Variants in SECISBP2 observed in about 807,000 individuals in gnomAD.
SECISBP2 encodes the protein selenocysteine insertion sequence-binding protein 2.
Under a neutral mutation model 98.2 loss-of-function variants are expected in SECISBP2, and 96 were observed. The observed-to-expected ratio is 0.98, with a 90% confidence interval of 0.83 to 1.16. The LOEUF is 1.16. Among genes scored for constraint, SECISBP2 ranks in the 50% most tolerant of loss-of-function variants. The probability of loss-of-function intolerance (pLI) is 0.00; values close to 1 mark genes in which losing one functional copy is unlikely to be tolerated. For synonymous variants in SECISBP2, 407 were observed against 370.2 expected (o/e 1.10, Z -1.14); for missense variants, 1,046 against 1,022.9 (o/e 1.02, Z -0.31).
rs1466407227 is a variant in SECISBP2 at position 89,350,826 on chromosome 9, C to T, written c.2087C>T (p.Pro696Leu). Residue 696 changes from proline to leucine, a missense_variant, in exon 14 of 17, where the codon CCC (proline) becomes CTC (leucine). By Grantham distance (98) the Pro-to-Leu change is moderately conservative. Coordinates refer to ENST00000375807, the MANE Select transcript of SECISBP2 (RefSeq NM_024077.5). ...AAACTGAAATGTGTCATTATTTCTC[C>T]CAACTGTGAGAAGATACAGTCAAAA... ...LKKLKCVIIS[P>L]NCEKIQSKGG... The T allele has an allele frequency of 6.2e-7, 1 of 1,614,122 alleles. No homozygotes were observed. The highest frequency in any genetic ancestry group is 2.2e-5 in the East Asian group (1 of 44,882).
At chr9:89,357,619 G>A in intron 15 of SECISBP2, 54 bp downstream of exon 15, 1 of 1,608,854 alleles carries the variant, frequency 6.2e-7, no homozygotes, top group East Asian at 2.2e-5. Context: ...AGGAAGTGGG[G>A]GCAGGTGGTC....
chr9:89,356,532 C>CA (rs1296965523), intron 14 of SECISBP2: 1 of 152,272 alleles, frequency 6.6e-6, no homozygotes, highest in Non-Finnish European at 1.5e-5. Context: ...GATCATGGCT[C>CA]ATTGCAGCCT....
chr9:89,325,335 T>C, intron 2 of SECISBP2, 92 bp from the exon 3 acceptor site: 1 of 1,211,472 alleles, frequency 8.3e-7, no homozygotes, highest in Non-Finnish European at 1.2e-6. Context: ...GTCTCAGAAA[T>C]ATTAAATGTT....
intron 1 of SECISBP2, 152 bp downstream of exon 1, chr9:89,318,764 C>T (rs752942804): frequency 8.1e-7 from 1 of 1,235,444 alleles, no homozygotes; most frequent in Non-Finnish European, 1.0e-6. Flanking sequence ...CCGCGATCTT[C>T]GCGCCCCGCC....
At chr9:89,322,020 C>T (rs1277061807) in intron 2 of SECISBP2, among the ~76,000 whole-genome samples, 1 of 152,212 alleles carries the variant, frequency 6.6e-6, no homozygotes, top group Admixed American at 6.5e-5. Context: ...TTGTATGTCC[C>T]CTTCCCTCAT....
At chr9:89,356,614 A>T in intron 14 of SECISBP2, 1 of 149,294 alleles carries the variant, frequency 6.7e-6, no homozygotes. Flanking sequence ...ACATACCACC[A>T]CACTGGGCAA....
At chr9:89,338,646 G>A (rs1202067002) in intron 8 of SECISBP2, 66 bp downstream of exon 8, 1 of 1,503,388 alleles carries the variant, frequency 6.7e-7, no homozygotes, top group African/African-American at 1.4e-5. Flanking sequence ...AAGAAACTTG[G>A]GTTCATATTG....
chr9:89,334,270 A>G, intron 6 of SECISBP2: 4 of 1,096,552 alleles, frequency 3.6e-6, no homozygotes, highest in Non-Finnish European at 4.9e-6. Flanking sequence ...ACCCACCTCC[A>G]ACCCCCAGGT....
At chr9:89,356,580 T>C (rs1306231112) in intron 14 of SECISBP2, 1 of 152,198 alleles carries the variant, frequency 6.6e-6, no homozygotes, top group Non-Finnish European at 1.5e-5. Context: ...TTGCCTCCGC[T>C]TCCTGAGTAG....
intron 5 of SECISBP2, 101 bp downstream of exon 5, chr9:89,328,987 A>G (rs968207908): frequency 4.1e-6 from 4 of 987,396 alleles, no homozygotes; most frequent in African/African-American, 1.6e-5. Flanking sequence ...TTTGATGTCC[A>G]TGGAGCTGGG....
chr9:89,363,428 A>T, downstream of SECISBP2: 1 of 1,612,066 alleles, frequency 6.2e-7, no homozygotes, highest in East Asian at 2.2e-5. Flanking sequence ...GCGGCCACTT[A>T]CCCACGCCTT....
At chr9:89,333,861 T>C (rs891993965) in intron 6 of SECISBP2, among the ~76,000 whole-genome samples, 1 of 152,220 alleles carries the variant, frequency 6.6e-6, no homozygotes, top group Non-Finnish European at 1.5e-5. Context: ...ATGTTCGATA[T>C]GTATGTGGTT....
At chr9:89,321,109 A>G (rs1352531911) in intron 2 of SECISBP2, among the ~76,000 whole-genome samples, 1 of 152,244 alleles carries the variant, frequency 6.6e-6, no homozygotes, top group Non-Finnish European at 1.5e-5. Flanking sequence ...TTTGGTAGGA[A>G]TACCCTATTT....
intron 14 of SECISBP2, 30 bp downstream of exon 14, chr9:89,350,882 T>G (rs1423800013): frequency 1.3e-6 from 2 of 1,590,110 alleles, no homozygotes; most frequent in Non-Finnish European, 1.7e-6. Flanking sequence ...CTGTGATATG[T>G]GGGCCCCTGC....
chr9:89,340,503 C>T lies in SECISBP2; in HGVS notation c.1302+550C>T, dbSNP rs1233906229. Among the ~76,000 whole-genome samples the T allele has an allele frequency of 4.6e-5, 7 of 151,818 alleles. No homozygotes were observed. The South Asian group carries it at 6.2e-4, about 13-fold the overall frequency. On this transcript the variant is annotated intron_variant, in intron 9 of 16. Transcript: ENST00000375807. Reference sequence around the variant, plus strand: ...ATTTATTTGCTAGGATATTCATTGTCGTTTTGCCTTTTAAAGGGGGCTGTT... The same window carrying T: ...ATTTATTTGCTAGGATATTCATTGTTGTTTTGCCTTTTAAAGGGGGCTGTT...
At chr9:89,320,012 G>C (rs897594413) in intron 2 of SECISBP2, among the ~76,000 whole-genome samples, 1 of 152,024 alleles carries the variant, frequency 6.6e-6, no homozygotes, top group African/African-American at 2.4e-5. Context: ...CATACTCATT[G>C]TTATTTTCGG....
In SECISBP2 at chr9:89,350,802, A is replaced by G. The variant is rs756496913; in HGVS notation, c.2063A>G (p.Lys688Arg). The G allele has an allele frequency of 2.0e-5, 33 of 1,614,072 alleles. No homozygotes were observed. Among genetic ancestry groups the G allele is most frequent in the Non-Finnish European group, 2.5e-5 (30 of 1,180,042 alleles). The change falls in exon 14 of 17, where the codon AAA (lysine) becomes AGA (arginine). Residue 688 changes from lysine (K) to arginine (R), a missense_variant. Transcript: ENST00000375807. The stretch of plus-strand genomic sequence containing the variant: ...GTTCTCAAACACCTGAAGCTCAAAA[A>G]ACTGAAATGTGTCATTATTTCTCCC... ...REVLKHLKLK[K>R]LKCVIISPNC...
chr9:89,329,114 T>C, intron 5 of SECISBP2: 1 of 527,894 alleles, frequency 1.9e-6, no homozygotes, highest in South Asian at 2.1e-5. Flanking sequence ...GCGTTTTGTT[T>C]TGTTTTGTTT....
chr9:89,332,357 A>G (rs1305264144), intron 5 of SECISBP2, among the ~76,000 whole-genome samples: 2 of 152,160 alleles, frequency 1.3e-5, no homozygotes, highest in Non-Finnish European at 2.9e-5. Context: ...ATTAGGGTTC[A>G]CTGTTGGTGT....
Sources: allele counts gnomAD v4.1 joint callset (sites outside exome capture counted in the v4.1 genomes callset), GRCh38; gene constraint gnomAD v4.1.1; transcripts MANE v1.5; gene names NCBI Gene and HGNC (gene_info 2026-07-23, HGNC 2026-07-21).